The following RARB variants were observed in gnomAD, a reference collection of about 807,000 sequenced individuals.
The protein encoded by RARB is retinoic acid receptor beta, also known as HBV-activated protein.
Under a neutral mutation model 51.9 loss-of-function variants are expected in RARB, and 17 were observed. The ratio of observed to expected loss-of-function variants is 0.33; its 90% CI spans 0.22 to 0.49. The LOEUF (loss-of-function observed/expected upper bound fraction) is 0.49. Among genes scored for constraint, RARB ranks in the 20% least tolerant of loss-of-function variants. The pLI is 0.99. For synonymous variants in RARB, 215 were observed against 195.4 expected, an observed-to-expected ratio of 1.10 and a Z score of -0.84; for missense variants, 369 against 550.8, an observed-to-expected ratio of 0.67 and a Z score of 3.30.
intron 2 of RARB, among the ~76,000 whole-genome samples, chr3:24,974,020 T>G (rs1696456262): frequency 6.6e-6 from 1 of 152,102 alleles, no homozygotes; most frequent in African/African-American, 2.4e-5. Flanking sequence ...GATATTCTTG[T>G]CTTGTTCCAG....
chr3:24,855,264 G>T (rs759432346), intron 1 of RARB, among the ~76,000 whole-genome samples: 6 of 152,148 alleles, frequency 3.9e-5, no homozygotes, highest in Non-Finnish European at 7.3e-5. Flanking sequence ...ATAAGAGGAA[G>T]AATACTTTGG....
intron 4 of RARB, among the ~76,000 whole-genome samples, chr3:25,154,563 C>T (rs1700344330): frequency 6.6e-6 from 1 of 152,198 alleles, no homozygotes; most frequent in South Asian, 2.1e-4. Flanking sequence ...CCAAAGTGGC[C>T]TTTGCATATC....
At chr3:24,886,412 C>T (rs1330624752) in intron 2 of RARB, among the ~76,000 whole-genome samples, 7 of 151,374 alleles carry the variant, frequency 4.6e-5, no homozygotes, top group Non-Finnish European at 8.8e-5. Flanking sequence ...TTTCATGATG[C>T]CCTGACCTCC....
intron 4 of RARB, among the ~76,000 whole-genome samples, chr3:25,157,728 T>G (rs1411582223): frequency 6.6e-6 from 1 of 152,216 alleles, no homozygotes; most frequent in Non-Finnish European, 1.5e-5. Flanking sequence ...TTTGATCTTC[T>G]TCACAAATTT....
intron 4 of RARB, among the ~76,000 whole-genome samples, chr3:25,146,032 A>G (rs1207764904): frequency 1.3e-5 from 2 of 152,056 alleles, no homozygotes; most frequent in Admixed American, 6.6e-5. Context: ...CCTAAGAGAC[A>G]TACTGATTCA....
Position 25,074,127 on chromosome 3 carries a change from CA to C in RARB, c.-328+13954del, listed in dbSNP as rs1315192004. Among the ~76,000 whole-genome samples, 7 of 152,264 alleles carry C rather than the reference CA, an allele frequency of 4.6e-5. No homozygotes were observed. The East Asian group carries it at 1.4e-3, about 29-fold the overall frequency. ...GCCAGTTCTAAACTAAACCAGGGAT[CA>C]AATTAAAGTGTATGTTTTCAATTCA... is the stretch of plus-strand genomic sequence containing the variant. On this transcript the variant is annotated intron_variant, in intron 3 of 11. Coordinates refer to the RARB transcript ENST00000383772.
rs529776887 is a variant in RARB at position 24,829,563 on chromosome 3, G to C, written c.-459+160G>C. 2.0e-4 allele frequency among the ~76,000 whole-genome samples: 31 copies of C among 152,298 alleles called. No individual in the cohort carries two copies. In the East Asian group the frequency reaches 5.6e-3, roughly 28 times the overall value. On this transcript the variant is annotated intron_variant, in intron 1 of 11. Transcript: ENST00000383772. ...AGGGATTTTGCGTGTACCGCGGCGGGGCCGGGGGCTGGGGGTTGGGGGGTC... is the reference window on the plus strand; with the variant it reads ...AGGGATTTTGCGTGTACCGCGGCGGCGCCGGGGGCTGGGGGTTGGGGGGTC...
At chr3:25,485,028 TCA>T (rs143261135) in intron 2 of RARB, among the ~76,000 whole-genome samples, 3 of 152,286 alleles carry the variant, frequency 2.0e-5, no homozygotes, top group Middle Eastern at 3.4e-3. Flanking sequence ...ATTTTGTGTT[TCA>T]CACACACACG....
chr3:25,310,478 G>A (rs1704261155), intron 5 of RARB, among the ~76,000 whole-genome samples: 1 of 152,118 alleles, frequency 6.6e-6, no homozygotes, highest in South Asian at 2.1e-4. Flanking sequence ...TGGAAATAGG[G>A]GGTTTGGACA....
intron 3 of RARB, among the ~76,000 whole-genome samples, chr3:25,119,789 T>C (rs896562458): frequency 4.6e-5 from 7 of 152,164 alleles, no homozygotes; most frequent in Admixed American, 2.6e-4. Context: ...ATGGACTTTC[T>C]AATAGACTAT....
chr3:25,046,050 A>T (rs185053895), intron 2 of RARB, among the ~76,000 whole-genome samples: 3 of 152,324 alleles, frequency 2.0e-5, no homozygotes, highest in African/African-American at 7.2e-5. Context: ...TGGCTTTGTA[A>T]ATCATGTAGT....
At position 24,864,888 on chromosome 3, in the gene RARB, C is replaced by G. The variant is rs561952017; in HGVS notation, c.-380+6136C>G. 2.0e-5 allele frequency among the ~76,000 whole-genome samples: 3 copies of G among 152,232 alleles called. No individual in the cohort carries two copies. The South Asian group carries it at 6.2e-4, about 32-fold the overall frequency. ...GGTAGTATTTCTAAAGTTTTTGATT[C>G]AAGTTATTTGCATTTGTAATAACTT... is the stretch of plus-strand genomic sequence containing the variant. On this transcript the variant is annotated intron_variant, in intron 2 of 11. Transcript: ENST00000383772.
chr3:25,485,176 C>T (rs542000302), intron 2 of RARB, among the ~76,000 whole-genome samples: 155 of 152,298 alleles, frequency 1.0e-3, no homozygotes, highest in Non-Finnish European at 1.9e-3. Flanking sequence ...AGGAATTGTA[C>T]ATAGAAGCAC....
At chr3:25,112,620 T>TA (rs1317809829) in intron 3 of RARB, among the ~76,000 whole-genome samples, 1 of 151,692 alleles carries the variant, frequency 6.6e-6, no homozygotes, top group South Asian at 2.1e-4. Flanking sequence ...CTACAAATAA[T>TA]AAAAAAAATT....
chr3:25,356,518 C>CTT lies in RARB; in HGVS notation c.179-104667_179-104666dup, dbSNP rs200419239. On this transcript the variant is annotated intron_variant, in intron 5 of 11. Transcript: ENST00000383772. ...GAAACAGAGCTTAGATTTTTTCTTT[C>CTT]TTTTTTTTTATTATACTTTAAGTTC... Among the ~76,000 whole-genome samples, 73 of 150,952 alleles carry CTT rather than the reference C, an allele frequency of 4.8e-4. 1 individual carries two copies. The East Asian group carries it at 6.2e-3, about 13-fold the overall frequency.
intron 5 of RARB, among the ~76,000 whole-genome samples, chr3:25,232,007 A>G (rs1702188951): frequency 6.6e-6 from 1 of 151,630 alleles, no homozygotes; most frequent in Non-Finnish European, 1.5e-5. Context: ...TAAAAGTGAT[A>G]AAGTTTTATG....
chr3:25,543,273 A>C (rs991923403), intron 3 of RARB, among the ~76,000 whole-genome samples: 3 of 152,160 alleles, frequency 2.0e-5, no homozygotes, highest in Non-Finnish European at 2.9e-5. Flanking sequence ...TAAAAGACAA[A>C]GCTCACTGTG....
chr3:25,586,273 C>T (rs953362315), intron 5 of RARB, among the ~76,000 whole-genome samples: 10 of 152,132 alleles, frequency 6.6e-5, no homozygotes, highest in Non-Finnish European at 1.5e-4. Context: ...CACCCGATTC[C>T]TCCCTCACAC....
At chr3:24,917,839 C>T (rs989589301) in intron 2 of RARB, among the ~76,000 whole-genome samples, 1 of 152,136 alleles carries the variant, frequency 6.6e-6, no homozygotes, top group African/African-American at 2.4e-5. Flanking sequence ...TGTCGTTAGT[C>T]TCTAGGGAAA....
Sources: gnomAD v4.1 joint callset for allele counts (sites outside exome capture counted in the v4.1 genomes callset) on GRCh38, gnomAD v4.1.1 for gene constraint, MANE v1.5 for transcripts, NCBI Gene and HGNC (gene_info 2026-07-23, HGNC 2026-07-21) for gene names.